Variants in EFCAB5 observed in about 807,000 individuals in gnomAD.
EFCAB5 encodes the protein EF-hand calcium binding domain 5, also known as EF-hand calcium-binding domain-containing protein 5.
EFCAB5 carries 131 observed loss-of-function variants against 167.9 expected under a neutral mutation model. That is an observed-to-expected ratio of 0.78 (90% confidence interval 0.68 to 0.90). The LOEUF is 0.90. EFCAB5 is among the 40% of genes least tolerant of loss of function. EFCAB5 has a pLI of 0.00. For missense variants in EFCAB5, 1,663 were observed against 1,745.2 expected (o/e 0.95, Z 0.84); for synonymous variants, 574 against 602.8 (o/e 0.95, Z 0.70).
At chr17:30,049,448 C>T (rs1294059872) in intron 8 of EFCAB5, among the ~76,000 whole-genome samples, 2 of 151,982 alleles carry the variant, frequency 1.3e-5, no homozygotes, top group African/African-American at 4.8e-5. Flanking sequence ...CCACTGCACT[C>T]CAGCCTGGGC....
chr17:29,941,776 G>T lies in EFCAB5; in HGVS notation c.-21G>T, dbSNP rs1027681619. The T allele has an allele frequency of 6.3e-7, 1 of 1,592,588 alleles. No homozygotes were observed. Among genetic ancestry groups the T allele is most frequent in the African/African-American group, 1.3e-5 (1 of 74,398 alleles). On this transcript the variant is annotated 5_prime_UTR_variant, in exon 1 of 23. Coordinates refer to ENST00000394835, the MANE Select transcript of EFCAB5 (RefSeq NM_198529.4). The stretch of plus-strand genomic sequence containing the variant: ...TAGTAATATTCTTCTATACCATTTG[G>T]TGATAACTTTTGGAGTCCAAATGAA...
At chr17:29,973,053 A>AGGAGC (rs1419505002) in intron 4 of EFCAB5, 6 of 152,360 alleles carry the variant, frequency 3.9e-5, no homozygotes, top group African/African-American at 1.4e-4. Context: ...GGGCCACTGC[A>AGGAGC]GGAGCGTCTT....
chr17:29,999,134 G>A (rs2068607018), intron 6 of EFCAB5, among the ~76,000 whole-genome samples: 1 of 151,792 alleles, frequency 6.6e-6, no homozygotes, highest in Admixed American at 6.6e-5. Flanking sequence ...CACATTCTGT[G>A]GGTTTTCTTA....
chr17:30,031,137 T>C (rs1048363533), intron 7 of EFCAB5, among the ~76,000 whole-genome samples: 1 of 152,126 alleles, frequency 6.6e-6, no homozygotes, highest in Admixed American at 6.5e-5. Flanking sequence ...TAAAAAGTCA[T>C]TAAGGATCAA....
intron 7 of EFCAB5, among the ~76,000 whole-genome samples, chr17:30,023,041 G>A (rs1474749623): frequency 6.6e-6 from 1 of 151,558 alleles, no homozygotes; most frequent in East Asian, 1.9e-4. Context: ...GTGTGTAGAG[G>A]GAAATTTATA....
Position 30,105,480 on chromosome 17 carries a change from C to T in EFCAB5, c.4322-2354C>T, listed in dbSNP as rs2071437635. Among the ~76,000 whole-genome samples, 5 of 152,010 alleles carry T rather than the reference C, an allele frequency of 3.3e-5. No individual in the cohort carries two copies. The South Asian group carries it at 1.0e-3, about 32-fold the overall frequency. On this transcript the variant is annotated intron_variant, in intron 22 of 22. Transcript: ENST00000394835. ...CCAGCCTGGGCGACAGAGTGAGACT[C>T]CATCTCAAAAAACGAAACAAACAAA...
At chr17:29,945,325 T>C (rs945669999) in intron 3 of EFCAB5, among the ~76,000 whole-genome samples, 26 of 151,878 alleles carry the variant, frequency 1.7e-4, no homozygotes, top group East Asian at 1.2e-3. Flanking sequence ...TTTTTTTTTT[T>C]CCCCAAAGTG....
chr17:30,095,074 C>T (rs1370964261), intron 22 of EFCAB5, among the ~76,000 whole-genome samples: 2 of 152,150 alleles, frequency 1.3e-5, no homozygotes, highest in Non-Finnish European at 2.9e-5. Context: ...TTCAGGATGC[C>T]CCATAACTGC....
chr17:29,986,217 T>C (rs1222641564), intron 4 of EFCAB5, among the ~76,000 whole-genome samples: 2 of 152,210 alleles, frequency 1.3e-5, no homozygotes, highest in Non-Finnish European at 2.9e-5. Flanking sequence ...TTCTAGACGT[T>C]TTTTATTCTT....
chr17:29,975,027 AAAAT>A (rs564610853), intron 4 of EFCAB5, among the ~76,000 whole-genome samples: 17 of 151,442 alleles, frequency 1.1e-4, no homozygotes, highest in South Asian at 8.3e-4. Context: ...CCCTATCTCT[AAAAT>A]AAATAAATAA....
At chr17:30,093,634 T>C (rs977458759) in intron 22 of EFCAB5, among the ~76,000 whole-genome samples, 4 of 152,200 alleles carry the variant, frequency 2.6e-5, no homozygotes, top group African/African-American at 9.7e-5. Flanking sequence ...TCCTAGCTTA[T>C]TCCTGAGAAG....
chr17:30,077,791 G>A (rs570554707), intron 14 of EFCAB5, among the ~76,000 whole-genome samples: 9 of 152,328 alleles, frequency 5.9e-5, no homozygotes, highest in South Asian at 2.1e-4. Flanking sequence ...TTACAAACAC[G>A]TATTGAGCAT....
rs9915137 is a variant in EFCAB5 at position 29,993,969 on chromosome 17, A to G, written c.924+648A>G. On this transcript the variant is annotated intron_variant, in intron 5 of 22. Coordinates refer to ENST00000394835, the MANE Select transcript of EFCAB5 (RefSeq NM_198529.4). Reference sequence around the variant, plus strand: ...CCCTACTTTTATGAAGAATTTAGAAATTATCCAGGCTGTGGTTCCAGCTTC... The same window carrying G: ...CCCTACTTTTATGAAGAATTTAGAAGTTATCCAGGCTGTGGTTCCAGCTTC... Among the ~76,000 whole-genome samples the G allele has an allele frequency of 6.0e-3, 908 of 150,750 alleles. 8 individuals carry two copies. Among genetic ancestry groups the G allele is most frequent in the African/African-American group, 0.021 (863 of 41,074 alleles).
chr17:30,047,768 C>T (rs2069968634), intron 8 of EFCAB5, among the ~76,000 whole-genome samples: 1 of 152,138 alleles, frequency 6.6e-6, no homozygotes. Context: ...TACAGAAAAG[C>T]ACTAACTATA....
intron 1 of EFCAB5, among the ~76,000 whole-genome samples, chr17:29,935,747 C>T (rs1279141962): frequency 6.7e-6 from 1 of 149,064 alleles, no homozygotes. Context: ...CAAGAAAAAA[C>T]AGAGGAAGCA....
At chr17:30,008,877 A>G (rs2068832256) in intron 7 of EFCAB5, among the ~76,000 whole-genome samples, 1 of 152,178 alleles carries the variant, frequency 6.6e-6, no homozygotes. Context: ...TGGAGGCCAG[A>G]AGTCCAAGAT....
chr17:30,067,164 G>A (rs1597755104), intron 14 of EFCAB5, among the ~76,000 whole-genome samples: 1 of 152,108 alleles, frequency 6.6e-6, no homozygotes, highest in Non-Finnish European at 1.5e-5. Context: ...ATTCTATGAG[G>A]CCAGCATTAT....
chr17:30,080,990 T>C lies in EFCAB5; in HGVS notation c.3426+9T>C, dbSNP rs753313604. Reference sequence around the variant, plus strand: ...AGATCAGATTCTATCAGGTAAGTCATAGAAGTCTTCAAGAGCGATGGTAGG... The same window carrying C: ...AGATCAGATTCTATCAGGTAAGTCACAGAAGTCTTCAAGAGCGATGGTAGG... On this transcript the variant is annotated intron_variant, in intron 17 of 22. Coordinates refer to ENST00000394835, the MANE Select transcript of EFCAB5 (RefSeq NM_198529.4). The C allele has an allele frequency of 1.2e-6, 2 of 1,606,790 alleles. No individual in the cohort carries two copies. Among genetic ancestry groups the C allele is most frequent in the South Asian group, 2.2e-5 (2 of 90,708 alleles).
chr17:29,947,570 A>AT (rs1243544422), intron 3 of EFCAB5, among the ~76,000 whole-genome samples: 2 of 151,896 alleles, frequency 1.3e-5, no homozygotes, highest in South Asian at 2.1e-4. Flanking sequence ...AAAATTTAAA[A>AT]TTTTTTTTTA....
Sources: allele counts gnomAD v4.1 joint callset (sites outside exome capture counted in the v4.1 genomes callset), GRCh38; gene constraint gnomAD v4.1.1; transcripts MANE v1.5; gene names NCBI Gene and HGNC (gene_info 2026-07-23, HGNC 2026-07-21).